ATE1: variants seen among roughly 807,000 people sequenced by gnomAD.
ATE1 encodes arginyl-tRNA--protein transferase 1.
A neutral mutation model predicts 70.5 loss-of-function variants in ATE1; 36 were observed. That is an observed-to-expected ratio of 0.51 (90% CI 0.39 to 0.67). ATE1 has a LOEUF of 0.67. ATE1 is among the 30% of genes least tolerant of loss of function. The pLI is 0.00. For missense variants in ATE1, 593 were observed against 629.5 expected (o/e 0.94, Z 0.62); for synonymous variants, 232 against 219.3 (o/e 1.06, Z -0.51).
chr10:121,838,092 A>C (rs1365086219), intron 9 of ATE1, among the ~76,000 whole-genome samples: 1 of 152,140 alleles, frequency 6.6e-6, no homozygotes, highest in East Asian at 1.9e-4. Context: ...TTCTGGGTCA[A>C]GCAGCATTAT....
intron 10 of ATE1, among the ~76,000 whole-genome samples, chr10:121,812,504 T>A (rs1947366448): frequency 6.6e-6 from 1 of 152,264 alleles, no homozygotes; most frequent in South Asian, 2.1e-4. Context: ...CCTATCAAGG[T>A]AGTCAGGCAG....
At chr10:121,875,929 A>G (rs1950035859) in intron 7 of ATE1, among the ~76,000 whole-genome samples, 1 of 152,198 alleles carries the variant, frequency 6.6e-6, no homozygotes. Context: ...ATCTATTAAC[A>G]TTCCACAAAA....
rs143563778 is a variant in ATE1 at position 121,820,269 on chromosome 10, A to G, written c.1257+16449T>C. Among the ~76,000 whole-genome samples the G allele has an allele frequency of 9.7e-3, 1,480 of 152,348 alleles. 7 individuals carry two copies. Among genetic ancestry groups the G allele is most frequent in the Non-Finnish European group, 0.014 (979 of 68,032 alleles). ...AAAATTTCCTAATCAATGAATTTAGATATCATCATTTTAACATGTGGGGTA... is the reference window on the plus strand; with the variant it reads ...AAAATTTCCTAATCAATGAATTTAGGTATCATCATTTTAACATGTGGGGTA... On this transcript the variant is annotated intron_variant, in intron 10 of 11. Transcript: ENST00000224652.
At chr10:121,866,259 G>C (rs560609802) in intron 8 of ATE1, among the ~76,000 whole-genome samples, 3 of 152,128 alleles carry the variant, frequency 2.0e-5, no homozygotes, top group Non-Finnish European at 2.9e-5. Flanking sequence ...GGCCCCTGTG[G>C]AATTGCAAAC....
At chr10:121,883,971 T>C (rs771723071) in intron 7 of ATE1, among the ~76,000 whole-genome samples, 1 of 151,890 alleles carries the variant, frequency 6.6e-6, no homozygotes, top group East Asian at 1.9e-4. Context: ...CGGGCGGTAG[T>C]GGCGAGCACC....
chr10:121,900,584 C>T (rs565503523), intron 6 of ATE1, among the ~76,000 whole-genome samples: 6 of 152,256 alleles, frequency 3.9e-5, no homozygotes, highest in Admixed American at 1.3e-4. Flanking sequence ...AGTAATTGCA[C>T]GCAGTAATGG....
At chr10:121,875,034 G>A (rs1232088182) in intron 7 of ATE1, among the ~76,000 whole-genome samples, 2 of 125,746 alleles carry the variant, frequency 1.6e-5, no homozygotes, top group Non-Finnish European at 3.4e-5. Context: ...AGCTACTCAG[G>A]AGGCTGAGGC....
chr10:121,821,719 A>G (rs1381616274), intron 10 of ATE1, among the ~76,000 whole-genome samples: 1 of 152,150 alleles, frequency 6.6e-6, no homozygotes, highest in African/African-American at 2.4e-5. Flanking sequence ...CATCTCTACT[A>G]AAAATACAAA....
Position 121,827,991 on chromosome 10 carries a change from A to G in ATE1, c.1257+8727T>C, listed in dbSNP as rs539110898. Among the ~76,000 whole-genome samples, 3 of 152,360 alleles carry G rather than the reference A, an allele frequency of 2.0e-5. No homozygotes were observed. The South Asian group carries it at 6.2e-4, about 32-fold the overall frequency. ...CTATATACTATGACGATGACCACAT[A>G]CTGGTTTTCCTCTTGTAGTGCTCAC... is the stretch of plus-strand genomic sequence containing the variant. On this transcript the variant is annotated intron_variant, in intron 10 of 11. Transcript: ENST00000224652.
rs534949574 is a variant in ATE1, at chr10:121,919,050, C to A, written c.233+3299G>T. Among the ~76,000 whole-genome samples the A allele has an allele frequency of 2.7e-5, 4 of 150,308 alleles. No homozygotes were observed. In the South Asian group the frequency reaches 8.4e-4, roughly 32 times the overall value. On this transcript the variant is annotated intron_variant, in intron 3 of 11. Transcript: ENST00000224652. ...ACCAATCAGCACTCTGTAAAATGGACCAATCAGCAGGACATGGGCAGGGAC... is the reference window on the plus strand; with the variant it reads ...ACCAATCAGCACTCTGTAAAATGGAACAATCAGCAGGACATGGGCAGGGAC...
chr10:121,861,402 T>C (rs1336193794), intron 8 of ATE1, among the ~76,000 whole-genome samples: 1 of 152,000 alleles, frequency 6.6e-6, no homozygotes, highest in Non-Finnish European at 1.5e-5. Context: ...TCATGAGATA[T>C]ATGGCTGCAA....
chr10:121,882,160 T>C (rs1950247587), intron 7 of ATE1, among the ~76,000 whole-genome samples: 1 of 152,060 alleles, frequency 6.6e-6, no homozygotes, highest in African/African-American at 2.4e-5. Flanking sequence ...ACTAAAATTA[T>C]ATGTTGATAA....
chr10:121,751,361 T>C (rs1054071776), intron 11 of ATE1, among the ~76,000 whole-genome samples: 3 of 152,234 alleles, frequency 2.0e-5, no homozygotes, highest in Non-Finnish European at 1.5e-5. Context: ...TAACATCTAT[T>C]AGCAGTCAAC....
intron 9 of ATE1, 52 bp downstream of exon 9, chr10:121,841,030 T>C: frequency 3.8e-6 from 5 of 1,320,046 alleles, no homozygotes; most frequent in Non-Finnish European, 5.0e-6. Flanking sequence ...AAATGAGTAA[T>C]TATTTGAAGT....
At chr10:121,754,368 G>C (rs2135731895) in intron 11 of ATE1, among the ~76,000 whole-genome samples, 1 of 152,298 alleles carries the variant, frequency 6.6e-6, no homozygotes, top group East Asian at 1.9e-4. Context: ...TGCCAGAAAG[G>C]AAGTGCTCAA....
At chr10:121,926,414 A>G (rs1378424738) in intron 1 of ATE1, among the ~76,000 whole-genome samples, 1 of 152,150 alleles carries the variant, frequency 6.6e-6, no homozygotes, top group Non-Finnish European at 1.5e-5. Context: ...ATAAAAAAAT[A>G]AAACTCACCT....
At chr10:121,868,573 G>A (rs1250751605) in intron 8 of ATE1, among the ~76,000 whole-genome samples, 1 of 152,118 alleles carries the variant, frequency 6.6e-6, no homozygotes, top group Non-Finnish European at 1.5e-5. Flanking sequence ...TCTGCCAGAC[G>A]CTGTGCTCAG....
intron 11 of ATE1, among the ~76,000 whole-genome samples, chr10:121,767,657 C>T (rs1590243109): frequency 6.6e-6 from 1 of 152,242 alleles, no homozygotes; most frequent in African/African-American, 2.4e-5. Context: ...CCAATAAGCA[C>T]ATGAAAAGGT....
intron 6 of ATE1, among the ~76,000 whole-genome samples, chr10:121,902,031 T>A (rs1385810038): frequency 6.6e-6 from 1 of 152,200 alleles, no homozygotes; most frequent in African/African-American, 2.4e-5. Flanking sequence ...CCTTGTGTAA[T>A]CTATTGTCTT....
Sources: gnomAD v4.1 joint callset for allele counts (sites outside exome capture counted in the v4.1 genomes callset) on GRCh38, gnomAD v4.1.1 for gene constraint, MANE v1.5 for transcripts, NCBI Gene and HGNC (gene_info 2026-07-23, HGNC 2026-07-21) for gene names.